OR8G1: variants seen among roughly 807,000 people sequenced by gnomAD.
OR8G1 encodes olfactory receptor family 8 subfamily G member 1, also known as olfactory receptor 8G1.
For missense variants in OR8G1, 372 were observed against 356.2 expected (o/e 1.04, Z -0.36); for synonymous variants, 129 against 133.3 (o/e 0.97, Z 0.22).
intron 1 of OR8G1, among the ~76,000 whole-genome samples, chr11:124,243,538 T>A (rs2466661): frequency 0.51 from 77,649 of 151,860 alleles, 20,489 homozygotes; most frequent in South Asian, 0.7. Context: ...AGACTTAGTA[T>A]CAAGTCTCTA....
Position 124,247,325 on chromosome 11 carries a change from A to G in OR8G1, c.-96-476A>G, listed in dbSNP as rs149774695. On this transcript the variant is annotated intron_variant, in intron 1 of 2. Transcript: ENST00000641972. ...AATTACTGATTTTAGGAATCAGAAA[A>G]AAGAAATCGCTGCATAGTCTACAAT... 7.0e-3 allele frequency among the ~76,000 whole-genome samples: 1,070 copies of G among 151,936 alleles called. 16 individuals are homozygous for G. The highest frequency in any genetic ancestry group is 0.025 in the African/African-American group (1,018 of 41,548).
Position 124,249,718 on chromosome 11 carries a change from G to A in OR8G1, c.43G>A (p.Ala15Thr), listed in dbSNP as rs750403205. ...NNSSVTEFIL[A>T]GLSEQPELQL... Reference sequence around the variant, plus strand: ...TTCCTCAGTGACTGAGTTCATTCTGGCTGGGCTCTCAGAACAGCCAGAGCT... The same window carrying A: ...TTCCTCAGTGACTGAGTTCATTCTGACTGGGCTCTCAGAACAGCCAGAGCT... The change falls in exon 3 of 3, where the codon GCT becomes ACT. Residue 15 changes from alanine to threonine, a missense_variant. Physicochemically the swap from Ala to Thr is moderately conservative, Grantham distance 58. Transcript: ENST00000641972. 5.6e-6 allele frequency: 9 copies of A among 1,613,360 alleles called. No homozygotes were observed. In the East Asian group the frequency reaches 6.7e-5, roughly 12 times the overall value.
chr11:124,241,439 C>A (rs752028875), intron 1 of OR8G1, 75 bp downstream of exon 1: 5 of 152,062 alleles, frequency 3.3e-5, no homozygotes, highest in African/African-American at 4.8e-5. Context: ...AATCAGGAAA[C>A]TATTATTCCT....
intron 1 of OR8G1, among the ~76,000 whole-genome samples, chr11:124,242,234 G>A (rs945666522): frequency 6.6e-6 from 1 of 151,964 alleles, no homozygotes; most frequent in Non-Finnish European, 1.5e-5. Context: ...ACATGAAAAT[G>A]CTCACTAATT....
intron 1 of OR8G1, among the ~76,000 whole-genome samples, chr11:124,245,575 T>C (rs1289486841): frequency 7.0e-6 from 1 of 141,882 alleles, no homozygotes; most frequent in African/African-American, 2.8e-5. Flanking sequence ...TCTAGATCCC[T>C]GAGGAATGGC....
rs995221782 is a variant in OR8G1 at position 124,250,413 on chromosome 11, G to C, written c.738G>C (p.Leu246Phe). 2 of 1,613,634 alleles carry C rather than the reference G, an allele frequency of 1.2e-6. No individual in the cohort carries two copies. The highest frequency in any genetic ancestry group is 1.7e-6 in the Non-Finnish European group (2 of 1,179,814). ...TCAGCACTTGTAGCTCCCACATGTT[G>C]GCGGTTGTAATCTTTTTTGGATCTG... is the stretch of plus-strand genomic sequence containing the variant. ...KAFSTCSSHM[L>F]AVVIFFGSAA... Residue 246 changes from leucine to phenylalanine, a missense_variant, in exon 3 of 3, where the codon TTG becomes TTC. Leu to Phe is a conservative substitution (Grantham distance 22, BLOSUM62 0). Coordinates refer to ENST00000641972, the MANE Select transcript of OR8G1 (RefSeq NM_001002905.2).
rs1861860476 is a variant in OR8G1 at position 124,250,483 on chromosome 11, CA to C, written c.809del (p.Gln270ArgfsTer16). 1 of 1,613,554 alleles carries C rather than the reference CA, an allele frequency of 6.2e-7. No individual in the cohort carries two copies. Among genetic ancestry groups the C allele is most frequent in the African/African-American group, 1.3e-5 (1 of 74,874 alleles). Reference sequence around the variant, plus strand: ...GCCATCTTCAATCAGCTCCATGGACCAGGGGAAAGTATCCTCTGTGTTTTAT... The same window carrying C: ...GCCATCTTCAATCAGCTCCATGGACCGGGGAAAGTATCCTCTGTGTTTTAT... ...LQPSSISSMDQGKVSSVFYTI... is the reference protein window; with the variant it reads ...LQPSSISSMDXGKVSSVFYTI... On this transcript the variant is annotated frameshift_variant, in exon 3 of 3. Transcript: ENST00000641972. LOFTEE classifies it low-confidence loss of function (END_TRUNC).
Position 124,250,773 on chromosome 11 carries a change from C to T in OR8G1, c.*162C>T, listed in dbSNP as rs1444466059. The T allele has an allele frequency of 2.9e-4, 98 of 343,350 alleles. 36 individuals carry two copies. In the African/African-American group the frequency reaches 3.3e-3, roughly 12 times the overall value. 21.3% of individuals were successfully genotyped at this position (343,350 alleles called of 1,614,324 possible). Reference sequence around the variant, plus strand: ...TTCATGACCCTTTGATGTCATTTCCCATGTGGGGTTTTAACTCATATGTAT... The same window carrying T: ...TTCATGACCCTTTGATGTCATTTCCTATGTGGGGTTTTAACTCATATGTAT... On this transcript the variant is annotated 3_prime_UTR_variant, in exon 3 of 3. Coordinates refer to ENST00000641972, the MANE Select transcript of OR8G1 (RefSeq NM_001002905.2).
chr11:124,246,707 AAGAC>A (rs1329226771), intron 1 of OR8G1, among the ~76,000 whole-genome samples: 1 of 151,772 alleles, frequency 6.6e-6, no homozygotes, highest in Non-Finnish European at 1.5e-5. Flanking sequence ...TGACCCTCCA[AAGAC>A]AGACAACATA....
intron 1 of OR8G1, among the ~76,000 whole-genome samples, chr11:124,244,041 A>G (rs914216035): frequency 1.5e-5 from 2 of 130,138 alleles, no homozygotes; most frequent in Non-Finnish European, 3.4e-5. Context: ...GGAGAGAGAG[A>G]TGGAGAGAGA....
At chr11:124,241,735 G>T (rs999476990) in intron 1 of OR8G1, among the ~76,000 whole-genome samples, 2 of 152,074 alleles carry the variant, frequency 1.3e-5, no homozygotes, top group African/African-American at 4.8e-5. Flanking sequence ...AGAAAGACAG[G>T]TGTTGGTAAG....
chr11:124,243,669 C>A (rs780573199), intron 1 of OR8G1, among the ~76,000 whole-genome samples: 2 of 151,984 alleles, frequency 1.3e-5, no homozygotes, highest in Admixed American at 1.3e-4. Context: ...AATGATCACT[C>A]ATTTCCATTT....
chr11:124,246,146 T>G (rs1861808360), intron 1 of OR8G1, among the ~76,000 whole-genome samples: 1 of 151,946 alleles, frequency 6.6e-6, no homozygotes, highest in Non-Finnish European at 1.5e-5. Context: ...TTTATGGTTT[T>G]ATGTCTAACA....
intron 1 of OR8G1, among the ~76,000 whole-genome samples, chr11:124,246,755 T>C (rs934644701): frequency 4.0e-5 from 6 of 151,672 alleles, no homozygotes; most frequent in African/African-American, 1.2e-4. Context: ...TTACAAAAAT[T>C]GACCATATGG....
intron 1 of OR8G1, among the ~76,000 whole-genome samples, chr11:124,246,665 G>A (rs943023657): frequency 2.6e-5 from 4 of 151,524 alleles, no homozygotes; most frequent in African/African-American, 7.3e-5. Context: ...CATAATTAAT[G>A]CATTAGATAT....
chr11:124,246,812 T>C (rs951925742), intron 1 of OR8G1, among the ~76,000 whole-genome samples: 6 of 151,312 alleles, frequency 4.0e-5, no homozygotes, highest in African/African-American at 1.4e-4. Context: ...ATAATTCAGA[T>C]TGTATTCATT....
At position 124,254,127 on chromosome 11, in the gene OR8G1, A is replaced by G. The variant is rs1388329193; in HGVS notation, c.*3516A>G. On this transcript the variant is annotated 3_prime_UTR_variant, in exon 3 of 3. Transcript: ENST00000641972. ...TTGAGGAAGCTTTATGCTGTTTTCC[A>G]TAATGACTGTACTAATTTACATTCC... 6.6e-6 allele frequency: 1 copy of G among 152,192 alleles called. No individual in the cohort carries two copies. The highest frequency in any genetic ancestry group is 6.5e-5 in the Admixed American group (1 of 15,272). 9.4% of individuals were successfully genotyped at this position (152,192 alleles called of 1,614,324 possible). A position where few individuals can be genotyped will look rare whatever the true frequency, so the allele number is the denominator to read the frequency against.
intron 1 of OR8G1, among the ~76,000 whole-genome samples, chr11:124,243,085 A>T (rs537096136): frequency 5.4e-4 from 81 of 149,810 alleles, no homozygotes; most frequent in African/African-American, 1.9e-3. Flanking sequence ...AAAGTAATCA[A>T]AAACGTAAAT....
At position 124,250,040 on chromosome 11, in the gene OR8G1, G is replaced by A. The variant is rs766147373; in HGVS notation, c.365G>A (p.Arg122His). 1.8e-5 allele frequency: 29 copies of A among 1,613,692 alleles called. 1 individual carries two copies. Among genetic ancestry groups the A allele is most frequent in the South Asian group, 1.3e-4 (12 of 91,078 alleles). Reference protein sequence around the residue: ...CHMLAAMAYDRYMAICSPLLY... With the variant: ...CHMLAAMAYDHYMAICSPLLY... ...ATGTTGGCTGCAATGGCGTATGACC[G>A]TTACATGGCCATCTGTAGCCCCTTG... The change falls in exon 3 of 3, where the codon CGT (arginine) becomes CAT (histidine). Residue 122 changes from arginine to histidine, a missense_variant. By Grantham distance (29) the Arg-to-His change is conservative (BLOSUM62 0). Coordinates refer to ENST00000641972, the MANE Select transcript of OR8G1 (RefSeq NM_001002905.2).
Sources: gnomAD v4.1 joint callset for allele counts (sites outside exome capture counted in the v4.1 genomes callset) on GRCh38, gnomAD v4.1.1 for gene constraint, MANE v1.5 for transcripts, NCBI Gene and HGNC (gene_info 2026-07-23, HGNC 2026-07-21) for gene names.